The following CDH12 variants were observed in gnomAD, a reference collection of about 807,000 sequenced individuals.
The protein encoded by CDH12 is cadherin-12.
CDH12 carries 41 observed loss-of-function variants against 74.1 expected under a neutral mutation model. The observed-to-expected ratio is 0.55, with a 90% CI of 0.43 to 0.72. The LOEUF is 0.72. Among genes scored for constraint, CDH12 ranks in the 30% least tolerant of loss-of-function variants. The pLI, the probability that CDH12 is intolerant of heterozygous loss-of-function variation, is 0.00. For missense variants in CDH12, 945 were observed against 977.2 expected (o/e 0.97, Z 0.44); for synonymous variants, 399 against 355.0 (o/e 1.12, Z -1.39).
rs139604955 is a variant in CDH12, at chr5:22,430,393, T to TA, written c.-427-25043dup. 4.0e-3 allele frequency among the ~76,000 whole-genome samples: 603 copies of TA among 149,164 alleles called. 6 individuals carry two copies. Among genetic ancestry groups the TA allele is most frequent in the African/African-American group, 0.014 (555 of 40,772 alleles). ...GCTACATAGTACCCATAAAACAGAG[T>TA]AAAAAAAAAATCACATATAAATATT... On this transcript the variant is annotated intron_variant, in intron 2 of 14. Coordinates refer to ENST00000382254, the MANE Select transcript of CDH12 (RefSeq NM_004061.5).
chr5:22,395,865 A>G (rs148651258), intron 3 of CDH12, among the ~76,000 whole-genome samples: 2,133 of 152,296 alleles, frequency 0.014, 27 homozygotes, highest in Middle Eastern at 0.027. Flanking sequence ...CTCTGAGAAC[A>G]TTAAGCCAGT....
At chr5:22,718,394 A>C (rs1743696716) in intron 1 of CDH12, among the ~76,000 whole-genome samples, 2 of 152,226 alleles carry the variant, frequency 1.3e-5, no homozygotes, top group African/African-American at 4.8e-5. Context: ...TGACACATGT[A>C]CTGGGAATGA....
intron 13 of CDH12, among the ~76,000 whole-genome samples, chr5:21,759,973 A>G (rs184590804): frequency 2.0e-5 from 3 of 152,082 alleles, no homozygotes; most frequent in African/African-American, 7.2e-5. Flanking sequence ...TGCTAAAGAT[A>G]ATAGCCTCCA....
chr5:22,226,412 G>T (rs1037604565), intron 3 of CDH12, among the ~76,000 whole-genome samples: 1 of 151,898 alleles, frequency 6.6e-6, no homozygotes, highest in Non-Finnish European at 1.5e-5. Flanking sequence ...AACAAGAGGG[G>T]ATGCCACTGG....
chr5:22,347,219 G>C (rs1387933850), intron 3 of CDH12, among the ~76,000 whole-genome samples: 1 of 152,102 alleles, frequency 6.6e-6, no homozygotes, highest in Non-Finnish European at 1.5e-5. Context: ...ATTAACATTT[G>C]AGTCAGTGAA....
intron 1 of CDH12, among the ~76,000 whole-genome samples, chr5:22,802,197 C>A (rs1471728746): frequency 1.3e-5 from 2 of 149,322 alleles, no homozygotes; most frequent in South Asian, 4.2e-4. Context: ...TCCAGGCTCA[C>A]TGCAAGCTCT....
intron 1 of CDH12, among the ~76,000 whole-genome samples, chr5:22,763,032 T>A (rs1746307975): frequency 6.6e-6 from 1 of 152,066 alleles, no homozygotes; most frequent in Admixed American, 6.6e-5. Flanking sequence ...GAATAAGAAT[T>A]TTTCATGTTG....
intron 6 of CDH12, among the ~76,000 whole-genome samples, chr5:21,869,988 G>A (rs1374519875): frequency 6.6e-6 from 1 of 152,140 alleles, no homozygotes; most frequent in Non-Finnish European, 1.5e-5. Context: ...TATGGGGGCA[G>A]TTTCTCCCAT....
intron 3 of CDH12, among the ~76,000 whole-genome samples, chr5:22,273,643 T>C (rs965112896): frequency 4.6e-5 from 7 of 152,190 alleles, no homozygotes; most frequent in Non-Finnish European, 8.8e-5. Flanking sequence ...AAGAAAAAGT[T>C]GCAATGATAG....
At chr5:22,071,647 G>C (rs1005239145) in intron 5 of CDH12, among the ~76,000 whole-genome samples, 6 of 151,794 alleles carry the variant, frequency 4.0e-5, no homozygotes, top group African/African-American at 1.5e-4. Flanking sequence ...ATTTTCCCTA[G>C]AGTATATTAA....
At chr5:22,844,278 G>T (rs925111860) in intron 1 of CDH12, among the ~76,000 whole-genome samples, 7 of 151,996 alleles carry the variant, frequency 4.6e-5, no homozygotes, top group African/African-American at 1.7e-4. Flanking sequence ...CAAGGGCAGG[G>T]CTTTGACTCA....
At chr5:22,673,617 T>G (rs1033830556) in intron 1 of CDH12, among the ~76,000 whole-genome samples, 1 of 152,154 alleles carries the variant, frequency 6.6e-6, no homozygotes, top group African/African-American at 2.4e-5. Flanking sequence ...GATATTTACC[T>G]AAGCTCACTA....
intron 1 of CDH12, among the ~76,000 whole-genome samples, chr5:22,634,587 A>G (rs992439062): frequency 3.9e-5 from 6 of 152,186 alleles, no homozygotes; most frequent in Admixed American, 3.9e-4. Flanking sequence ...TTGTTAATAC[A>G]TGAAGCAAAA....
chr5:22,666,020 A>G (rs930541408), intron 1 of CDH12, among the ~76,000 whole-genome samples: 1 of 152,046 alleles, frequency 6.6e-6, no homozygotes, highest in African/African-American at 2.4e-5. Context: ...CCAATTGCAT[A>G]CTTCACATTC....
At chr5:21,756,703 G>A (rs531147124) in intron 13 of CDH12, among the ~76,000 whole-genome samples, 1 of 152,220 alleles carries the variant, frequency 6.6e-6, no homozygotes, top group South Asian at 2.1e-4. Context: ...GTTATTTTTA[G>A]AAATGTGACA....
intron 6 of CDH12, among the ~76,000 whole-genome samples, chr5:21,926,602 T>A (rs1168108189): frequency 6.6e-6 from 1 of 152,146 alleles, no homozygotes; most frequent in Non-Finnish European, 1.5e-5. Context: ...ACTATAAACA[T>A]AAAGCACTTT....
chr5:22,043,309 G>C (rs1022328351), intron 5 of CDH12, among the ~76,000 whole-genome samples: 6 of 152,126 alleles, frequency 3.9e-5, no homozygotes, highest in Non-Finnish European at 8.8e-5. Flanking sequence ...ATCAATAAAG[G>C]TGATTCTTTA....
At chr5:22,832,802 C>A (rs1736673865) in intron 1 of CDH12, among the ~76,000 whole-genome samples, 1 of 152,120 alleles carries the variant, frequency 6.6e-6, no homozygotes, top group African/African-American at 2.4e-5. Context: ...CAATCACCAA[C>A]AAATATCTTT....
chr5:21,830,370 T>G (rs1579786364), intron 8 of CDH12, among the ~76,000 whole-genome samples: 1 of 151,870 alleles, frequency 6.6e-6, no homozygotes, highest in East Asian at 1.9e-4. Context: ...AAGGAAAAAA[T>G]TAAAAATAAA....
Sources: allele counts gnomAD v4.1 joint callset (sites outside exome capture counted in the v4.1 genomes callset), GRCh38; gene constraint gnomAD v4.1.1; transcripts MANE v1.5; gene names NCBI Gene and HGNC (gene_info 2026-07-23, HGNC 2026-07-21).